ZC3H14: variants seen among roughly 807,000 people sequenced by gnomAD.
ZC3H14 encodes zinc finger CCCH-type containing 14.
A neutral mutation model predicts 92.4 loss-of-function variants in ZC3H14; 31 were observed. That is an observed-to-expected ratio of 0.34 (90% CI 0.25 to 0.45). ZC3H14 has a LOEUF of 0.45. Among genes scored for constraint, ZC3H14 ranks in the 20% least tolerant of loss-of-function variants. The pLI is 1.00. For synonymous variants in ZC3H14, 321 were observed against 300.9 expected, an observed-to-expected ratio of 1.07 and a Z score of -0.69; for missense variants, 781 against 897.3, an observed-to-expected ratio of 0.87 and a Z score of 1.66.
intron 9 of ZC3H14, among the ~76,000 whole-genome samples, chr14:88,593,480 A>G (rs2083409307): frequency 6.6e-6 from 1 of 152,238 alleles, no homozygotes; most frequent in Admixed American, 6.5e-5. Context: ...AAAACTTACT[A>G]CAAAGCTAGA....
chr14:88,572,064 C>G lies in ZC3H14; in HGVS notation c.270C>G (p.Ile90Met). 1 of 1,614,102 alleles carries G rather than the reference C, an allele frequency of 6.2e-7. No individual in the cohort carries two copies. Among genetic ancestry groups the G allele is most frequent in the Non-Finnish European group, 8.5e-7 (1 of 1,180,022 alleles). ...GTCTGAAGTCTTCTGATACCAACAT[C>G]TTTGATAGTAACGTGCCTTCAAACA... Reference protein sequence around the residue: ...PSSLKSSDTNIFDSNVPSNKS... With the variant: ...PSSLKSSDTNMFDSNVPSNKS... The change falls in exon 5 of 17, where the codon ATC becomes ATG. Residue 90 changes from isoleucine (I) to methionine (M), a missense_variant. Ile to Met is a conservative substitution (Grantham distance 10, BLOSUM62 1). Transcript: ENST00000251038.
At chr14:88,563,301 C>G in intron 1 of ZC3H14, 132 bp downstream of exon 1, 1 of 1,527,742 alleles carries the variant, frequency 6.5e-7, no homozygotes, top group Non-Finnish European at 8.8e-7. Flanking sequence ...CGGGCTGCGG[C>G]TCCTCCTCGT....
intron 4 of ZC3H14, 23 bp downstream of exon 4, chr14:88,571,147 T>TC: frequency 6.4e-7 from 1 of 1,569,574 alleles, no homozygotes; most frequent in Non-Finnish European, 8.7e-7. Context: ...ACTTTTTTTT[T>TC]TAATTTCTGC....
rs1440435925 is a variant in ZC3H14, at chr14:88,622,150, T to C, written c.*10399T>C. 1.1e-5 allele frequency: 2 copies of C among 184,698 alleles called. No individual in the cohort carries two copies. Among genetic ancestry groups the C allele is most frequent in the East Asian group, 1.3e-4 (1 of 7,686 alleles). 11.4% of individuals were successfully genotyped at this position (184,698 alleles called of 1,614,324 possible). On this transcript the variant is annotated 3_prime_UTR_variant, in exon 17 of 17. Coordinates refer to ENST00000251038, the MANE Select transcript of ZC3H14 (RefSeq NM_024824.5). ...TATTTATCTTTCTGTGCCTGGCTTA[T>C]TTCACTTCACATCATGTCCTCCAGT...
chr14:88,616,610 T>G lies in ZC3H14; in HGVS notation c.*4859T>G. On this transcript the variant is annotated 3_prime_UTR_variant, in exon 17 of 17. Transcript: ENST00000251038. ...TTCAAAGTAAATAGATTTAGAAAGT[T>G]TGGGGAAAAATTTAGAAATTAGGAC... 9.3e-7 allele frequency: 1 copy of G among 1,077,310 alleles called. No individual in the cohort carries two copies. The highest frequency in any genetic ancestry group is 1.3e-6 in the Non-Finnish European group (1 of 771,618). 66.7% of individuals were successfully genotyped at this position (1,077,310 alleles called of 1,614,324 possible). A position where few individuals can be genotyped will look rare whatever the true frequency, so the allele number is the denominator to read the frequency against.
chr14:88,620,936 A>AG lies in ZC3H14; in HGVS notation c.*9185_*9186insG. 1.9e-6 allele frequency: 1 copy of AG among 517,156 alleles called. No individual in the cohort carries two copies. The highest frequency in any genetic ancestry group is 8.1e-5 in the East Asian group (1 of 12,340). 32.0% of individuals were successfully genotyped at this position (517,156 alleles called of 1,614,324 possible). A position where few individuals can be genotyped will look rare whatever the true frequency, so the allele number is the denominator to read the frequency against. On this transcript the variant is annotated 3_prime_UTR_variant, in exon 17 of 17. Transcript: ENST00000251038. This position sits in a 1 kb window ranked among gnomAD's most constrained non-coding sequence, Gnocchi z 4.3. ...CTTTGTTTAACATCTTCTGCATTTAAAAAAAAAAAAAAAAAGAGTCATAGG... is the reference window on the plus strand; with the variant it reads ...CTTTGTTTAACATCTTCTGCATTTAAGAAAAAAAAAAAAAAAGAGTCATAGG...
chr14:88,611,708 C>G (rs2086822250), intron 16 of ZC3H14, 37 bp from the exon 17 acceptor site: 4 of 1,613,634 alleles, frequency 2.5e-6, no homozygotes, highest in Non-Finnish European at 3.4e-6. Flanking sequence ...GGATACAAAG[C>G]AGATAATTAA....
At chr14:88,588,075 TC>T (rs2082669822) in intron 9 of ZC3H14, among the ~76,000 whole-genome samples, 1 of 152,216 alleles carries the variant, frequency 6.6e-6, no homozygotes, top group Non-Finnish European at 1.5e-5. Flanking sequence ...TCTTCTTTTT[TC>T]CCTTCTTTCA....
Position 88,614,325 on chromosome 14 carries a change from T to G in ZC3H14, c.*2574T>G, listed in dbSNP as rs975730675. On this transcript the variant is annotated 3_prime_UTR_variant, in exon 17 of 17. Coordinates refer to ENST00000251038, the MANE Select transcript of ZC3H14 (RefSeq NM_024824.5). ...ACTGATGAACAAGTACCAACTTACG[T>G]TTCAAGCTTCTTAGCCCCATAATCA... is the stretch of plus-strand genomic sequence containing the variant. The G allele has an allele frequency of 3.9e-5, 6 of 152,210 alleles. No homozygotes were observed. Among genetic ancestry groups the G allele is most frequent in the Non-Finnish European group, 8.8e-5 (6 of 68,030 alleles). 9.4% of individuals were successfully genotyped at this position (152,210 alleles called of 1,614,324 possible).
chr14:88,607,092 G>C (rs1433365005), intron 12 of ZC3H14, 151 bp from the exon 13 acceptor site: 1 of 1,208,342 alleles, frequency 8.3e-7, no homozygotes, highest in Admixed American at 2.0e-5. Flanking sequence ...TCTATGGCCA[G>C]TGTTAATCCC....
intron 9 of ZC3H14, among the ~76,000 whole-genome samples, chr14:88,594,177 A>T (rs1376682864): frequency 1.3e-5 from 2 of 152,246 alleles, no homozygotes; most frequent in Non-Finnish European, 2.9e-5. Flanking sequence ...AACAAATCAG[A>T]AATCTGAAGC....
In ZC3H14 at chr14:88,620,947, AAAAAG is replaced by A. The variant is rs1375701408; in HGVS notation, c.*9198_*9202del. The A allele has an allele frequency of 2.0e-6, 3 of 1,490,062 alleles. No individual in the cohort carries two copies. The highest frequency in any genetic ancestry group is 2.7e-6 in the Non-Finnish European group (3 of 1,125,358). The allele number at this position is 1,490,062 out of a possible 1,614,324, so 92.3% of individuals were successfully genotyped here. ...ATCTTCTGCATTTAAAAAAAAAAAA[AAAAAG>A]AGTCATAGGAAACATTAAGTGAAGT... On this transcript the variant is annotated 3_prime_UTR_variant, in exon 17 of 17. Transcript: ENST00000251038. This position sits in a 1 kb window ranked among gnomAD's most constrained non-coding sequence, Gnocchi z 4.3.
chr14:88,609,627 A>G, intron 14 of ZC3H14, 85 bp from the exon 15 acceptor site: 1 of 1,527,778 alleles, frequency 6.5e-7, no homozygotes, highest in Non-Finnish European at 9.1e-7. Context: ...AATGGTTTTC[A>G]CTTTCAAAAA....
At chr14:88,607,389 C>G in intron 13 of ZC3H14, 26 bp downstream of exon 13, 1 of 1,584,952 alleles carries the variant, frequency 6.3e-7, no homozygotes, top group African/African-American at 1.4e-5. Context: ...CCATCTCACC[C>G]TGCAAGTGAG....
intron 9 of ZC3H14, among the ~76,000 whole-genome samples, chr14:88,588,016 ACT>A (rs1293994849): frequency 2.6e-5 from 4 of 151,394 alleles, no homozygotes; most frequent in Non-Finnish European, 5.9e-5. Context: ...TTGTGTGGGA[ACT>A]CTCTAGAGTT....
At chr14:88,578,170 A>G (rs749796219) in intron 9 of ZC3H14, 30 bp downstream of exon 9, 4 of 1,612,138 alleles carry the variant, frequency 2.5e-6, no homozygotes, top group South Asian at 1.1e-5. Flanking sequence ...TTCACTCTTT[A>G]CTACAGTTTT....
In ZC3H14 at chr14:88,625,289, C is replaced by T. The variant is rs899657928; in HGVS notation, c.*13538C>T. 1.2e-5 allele frequency: 9 copies of T among 737,330 alleles called. No homozygotes were observed. Among genetic ancestry groups the T allele is most frequent in the Admixed American group, 9.6e-5 (3 of 31,220 alleles). The allele number at this position is 737,330 out of a possible 1,614,324, so 45.7% of individuals were successfully genotyped here. On this transcript the variant is annotated 3_prime_UTR_variant, in exon 17 of 17. Transcript: ENST00000251038. ...GAATTCACGAGTCAGGAAACCTGAACGGGAGGCTTAGCTTTGTCAGGACCT... is the reference window on the plus strand; with the variant it reads ...GAATTCACGAGTCAGGAAACCTGAATGGGAGGCTTAGCTTTGTCAGGACCT...
chr14:88,594,543 G>C (rs1370639356), intron 9 of ZC3H14: 8 of 1,441,498 alleles, frequency 5.5e-6, no homozygotes, highest in Non-Finnish European at 1.8e-6. Context: ...CTCTAGAAAT[G>C]TACAACCCCA....
intron 2 of ZC3H14, among the ~76,000 whole-genome samples, chr14:88,567,264 C>T (rs982277138): frequency 1.3e-5 from 2 of 151,578 alleles, no homozygotes; most frequent in African/African-American, 2.4e-5. Context: ...TATAGGCGCT[C>T]ACCACCACAC....
Sources: gnomAD v4.1 joint callset for allele counts (sites outside exome capture counted in the v4.1 genomes callset) on GRCh38, gnomAD v4.1.1 for gene constraint, Gnocchi (gnomAD v3.1) non-coding constraint, MANE v1.5 for transcripts, NCBI Gene and HGNC (gene_info 2026-07-23, HGNC 2026-07-21) for gene names.